TMEM232: variants seen among roughly 807,000 people sequenced by gnomAD.
TMEM232 encodes the protein transmembrane protein 232.
In TMEM232, 80 loss-of-function variants were observed where a neutral mutation model predicts 78.8. The ratio of observed to expected loss-of-function variants is 1.01; its 90% CI spans 0.85 to 1.22. TMEM232 has a LOEUF of 1.22. Among genes scored for constraint, TMEM232 ranks in the 50% most tolerant of loss-of-function variants. TMEM232 has a pLI of 0.00. For synonymous variants in TMEM232, 297 were observed against 254.3 expected (o/e 1.17, Z -1.60); for missense variants, 881 against 742.2 (o/e 1.19, Z -2.17).
chr5:110,538,647 C>CA (rs779217014), intron 11 of TMEM232, among the ~76,000 whole-genome samples: 21 of 152,274 alleles, frequency 1.4e-4, no homozygotes, highest in Middle Eastern at 3.4e-3. Context: ...CTGCTCCCAC[C>CA]AAGGGGTTCA....
intron 2 of TMEM232, among the ~76,000 whole-genome samples, chr5:110,405,412 A>G (rs1755750744): frequency 6.6e-6 from 1 of 152,028 alleles, no homozygotes; most frequent in African/African-American, 2.4e-5. Context: ...GCAGGAAAAC[A>G]TGTCCCATCA....
chr5:110,636,100 C>A (rs536531327), intron 5 of TMEM232, among the ~76,000 whole-genome samples: 48 of 152,028 alleles, frequency 3.2e-4, no homozygotes, highest in South Asian at 3.1e-3. Flanking sequence ...AATGAAATGT[C>A]ATTTGCAGTA....
At chr5:110,660,634 AT>A (rs1789653128) in intron 2 of TMEM232, among the ~76,000 whole-genome samples, 3 of 152,146 alleles carry the variant, frequency 2.0e-5, no homozygotes, top group African/African-American at 7.2e-5. Context: ...AAAAAATATT[AT>A]ACTTTTTAAA....
intron 10 of TMEM232, among the ~76,000 whole-genome samples, chr5:110,573,580 G>A (rs1192904851): frequency 6.6e-6 from 1 of 152,030 alleles, no homozygotes; most frequent in East Asian, 1.9e-4. Flanking sequence ...TAATTCCAAT[G>A]GACAGAGACA....
At chr5:110,555,887 C>T (rs987685772) in intron 11 of TMEM232, among the ~76,000 whole-genome samples, 3 of 152,128 alleles carry the variant, frequency 2.0e-5, no homozygotes, top group Non-Finnish European at 4.4e-5. Context: ...CTATAGGTAT[C>T]CTTGCACGTG....
intron 12 of TMEM232, among the ~76,000 whole-genome samples, chr5:110,426,597 A>G (rs1398826802): frequency 6.6e-6 from 1 of 152,014 alleles, no homozygotes; most frequent in Non-Finnish European, 1.5e-5. Flanking sequence ...AAAGAAAACA[A>G]TGGAAGTTAC....
At chr5:110,515,415 C>T (rs1223110922) in intron 12 of TMEM232, among the ~76,000 whole-genome samples, 3 of 152,170 alleles carry the variant, frequency 2.0e-5, no homozygotes, top group Non-Finnish European at 1.5e-5. Context: ...TTTCCATCAT[C>T]CCGTCCCTTA....
intron 12 of TMEM232, among the ~76,000 whole-genome samples, chr5:110,489,884 G>A (rs1444020655): frequency 6.6e-6 from 1 of 151,902 alleles, no homozygotes; most frequent in Admixed American, 6.6e-5. Context: ...CTAGCACTTT[G>A]GAAGGCCGAG....
At chr5:110,709,298 A>AC (rs1264080665) in intron 1 of TMEM232, among the ~76,000 whole-genome samples, 1 of 152,130 alleles carries the variant, frequency 6.6e-6, no homozygotes, top group East Asian at 1.9e-4. Flanking sequence ...AGACTTCAAT[A>AC]CCCCACTTTC....
At chr5:110,695,582 A>G (rs59019034) in intron 1 of TMEM232, among the ~76,000 whole-genome samples, 5,943 of 152,244 alleles carry the variant, frequency 0.039, 376 homozygotes, top group African/African-American at 0.14. Flanking sequence ...GAAAAGAGAG[A>G]AGAATCAAAT....
rs143102898 is a variant in TMEM232 at position 110,618,301 on chromosome 5, G to C, written c.902+128C>G. ...AACATGTAAATTGCCATTGCCTTTG[G>C]AACTGAGATTATAAATTTGTTTCAT... On this transcript the variant is annotated intron_variant, in intron 8 of 13. Transcript: ENST00000455884. The C allele has an allele frequency of 2.1e-3, 2,459 of 1,184,440 alleles. 49 individuals are homozygous for C. In the African/African-American group the frequency reaches 0.033, roughly 16 times the overall value. 73.4% of individuals were successfully genotyped at this position (1,184,440 alleles called of 1,614,324 possible).
chr5:110,727,372 G>T (rs1238855964), upstream of TMEM232, among the ~76,000 whole-genome samples: 2 of 152,194 alleles, frequency 1.3e-5, no homozygotes, highest in Non-Finnish European at 2.9e-5. Flanking sequence ...AGCACTTTGG[G>T]AGGCCAAGGT....
chr5:110,460,109 A>G (rs1761334889), intron 12 of TMEM232, among the ~76,000 whole-genome samples: 1 of 152,164 alleles, frequency 6.6e-6, no homozygotes, highest in Non-Finnish European at 1.5e-5. Context: ...AAGACAATTG[A>G]AAAAAACTTA....
At chr5:110,425,163 A>G (rs972097494) in intron 12 of TMEM232, among the ~76,000 whole-genome samples, 17 of 152,150 alleles carry the variant, frequency 1.1e-4, no homozygotes, top group Admixed American at 5.2e-4. Flanking sequence ...CCCCATACAC[A>G]GCTCCACAAC....
intron 5 of TMEM232, among the ~76,000 whole-genome samples, chr5:110,630,057 A>C (rs1784925445): frequency 1.3e-5 from 2 of 152,224 alleles, no homozygotes; most frequent in Admixed American, 1.3e-4. Context: ...AGAAAAGAAC[A>C]AAAGGGAGGT....
At chr5:110,702,500 T>C (rs543116267) in intron 1 of TMEM232, among the ~76,000 whole-genome samples, 96 of 152,162 alleles carry the variant, frequency 6.3e-4, no homozygotes, top group African/African-American at 2.2e-3. Flanking sequence ...ATTTTTCTGT[T>C]AGCAGACTGG....
At chr5:110,541,096 A>C (rs1008891406) in intron 11 of TMEM232, among the ~76,000 whole-genome samples, 1 of 152,156 alleles carries the variant, frequency 6.6e-6, no homozygotes, top group African/African-American at 2.4e-5. Flanking sequence ...GATCACAAGT[A>C]TATCTCCCTC....
At chr5:110,500,238 G>A (rs1296160181) in intron 12 of TMEM232, among the ~76,000 whole-genome samples, 3 of 141,184 alleles carry the variant, frequency 2.1e-5, no homozygotes, top group African/African-American at 2.8e-5. Flanking sequence ...GCAGTGAGCC[G>A]AGACTGCGCC....
In TMEM232 at chr5:110,563,939, T is replaced by G. The variant is rs184697638; in HGVS notation, c.1455+4508A>C. 3.3e-5 allele frequency among the ~76,000 whole-genome samples: 5 copies of G among 152,088 alleles called. No homozygotes were observed. In the East Asian group the frequency reaches 9.7e-4, roughly 29 times the overall value. ...AAATGATGAACTTCTTGTGTTTAGA[T>G]AGTACTCTTTAAGGATTGTTATTCC... On this transcript the variant is annotated intron_variant, in intron 11 of 13. Coordinates refer to ENST00000455884, the MANE Select transcript of TMEM232 (RefSeq NM_001039763.4).
Sources: gnomAD v4.1 joint callset for allele counts (sites outside exome capture counted in the v4.1 genomes callset) on GRCh38, gnomAD v4.1.1 for gene constraint, MANE v1.5 for transcripts, NCBI Gene and HGNC (gene_info 2026-07-23, HGNC 2026-07-21) for gene names.